Variants in LINGO2 observed in about 807,000 individuals in gnomAD.
LINGO2 encodes the protein leucine rich repeat and Ig domain containing 2.
In LINGO2, 14 loss-of-function variants were observed where a neutral mutation model predicts 30.6. The ratio of observed to expected loss-of-function variants is 0.46; its 90% CI spans 0.30 to 0.72. The LOEUF is 0.72. Among genes scored for constraint, LINGO2 ranks in the 30% least tolerant of loss-of-function variants. The probability of loss-of-function intolerance (pLI) is 0.07; values close to 1 mark genes in which losing one functional copy is unlikely to be tolerated. For synonymous variants in LINGO2, 317 were observed against 288.5 expected (o/e 1.10, Z -1.00); for missense variants, 729 against 751.7 (o/e 0.97, Z 0.35).
the LINGO2 span, among the ~76,000 whole-genome samples, chr9:28,855,460 T>C: frequency 6.6e-6 from 1 of 152,026 alleles, no homozygotes; most frequent in African/African-American, 2.4e-5. Context: ...CTTTATAAAA[T>C]GCAGACACCC....
the LINGO2 span, among the ~76,000 whole-genome samples, chr9:28,792,059 ATATG>A: frequency 3.4e-4 from 51 of 151,372 alleles, no homozygotes; most frequent in African/African-American, 1.2e-3. Flanking sequence ...GTATATATAT[ATATG>A]TATGTATGTA....
At chr9:28,411,157 ATT>A (rs5897297) in intron 2 of LINGO2, among the ~76,000 whole-genome samples, 1 of 151,532 alleles carries the variant, frequency 6.6e-6, no homozygotes, top group East Asian at 1.9e-4. Flanking sequence ...AAATGTATGG[ATT>A]TTTTTTTAAC....
chr9:28,956,029 T>C, the LINGO2 span, among the ~76,000 whole-genome samples: 248 of 151,958 alleles, frequency 1.6e-3, 1 homozygote, highest in Admixed American at 6.1e-3. Flanking sequence ...CTATATTCAC[T>C]GTAAGTAAAT....
At chr9:28,947,735 T>G in the LINGO2 span, among the ~76,000 whole-genome samples, 1 of 151,430 alleles carries the variant, frequency 6.6e-6, no homozygotes, top group Non-Finnish European at 1.5e-5. Context: ...ATGCATATTA[T>G]ATATACATTT....
At chr9:28,367,897 CCCT>C (rs1408632489) in intron 3 of LINGO2, among the ~76,000 whole-genome samples, 3 of 151,840 alleles carry the variant, frequency 2.0e-5, no homozygotes, top group African/African-American at 7.3e-5. Flanking sequence ...GAACTTTTTC[CCCT>C]ATTTTTAATC....
chr9:29,156,807 T>C, the LINGO2 span, among the ~76,000 whole-genome samples: 225 of 152,050 alleles, frequency 1.5e-3, no homozygotes, highest in Non-Finnish European at 2.8e-3. Context: ...TCCCAAATTA[T>C]TACCTGAGAA....
the LINGO2 span, among the ~76,000 whole-genome samples, chr9:28,721,529 A>C: frequency 6.6e-6 from 1 of 152,144 alleles, no homozygotes; most frequent in Non-Finnish European, 1.5e-5. Context: ...TGAAGCTGGA[A>C]ACCATCATTC....
chr9:28,238,824 A>AATAAT (rs58819076), intron 4 of LINGO2, among the ~76,000 whole-genome samples: 123,400 of 151,266 alleles, frequency 0.82, 50,604 homozygotes, highest in African/African-American at 0.89. Flanking sequence ...AATGAAAATA[A>AATAAT]ATAACAGATA....
At chr9:28,107,445 G>T (rs1407363021) in intron 4 of LINGO2, among the ~76,000 whole-genome samples, 1 of 151,980 alleles carries the variant, frequency 6.6e-6, no homozygotes, top group South Asian at 2.1e-4. Context: ...TCAATTATTG[G>T]TTAATCTATA....
intron 1 of LINGO2, among the ~76,000 whole-genome samples, chr9:28,524,324 T>A: frequency 6.6e-6 from 1 of 152,076 alleles, no homozygotes; most frequent in Non-Finnish European, 1.5e-5. Context: ...AAGAAGAAGG[T>A]ATAGGAGAAT....
At chr9:27,945,905 T>A (rs1022574595), downstream of LINGO2, among the ~76,000 whole-genome samples, 17 of 152,248 alleles carry the variant, frequency 1.1e-4, no homozygotes, top group African/African-American at 3.9e-4. Context: ...AAGTAGCCAA[T>A]TCCCCTGAAA....
At chr9:29,067,139 T>C in the LINGO2 span, among the ~76,000 whole-genome samples, 3 of 151,828 alleles carry the variant, frequency 2.0e-5, no homozygotes, top group Admixed American at 6.6e-5. Flanking sequence ...TCAAGTATTA[T>C]AAATGAGGGA....
intron 1 of LINGO2, among the ~76,000 whole-genome samples, chr9:28,501,994 GAA>G (rs1472688732): frequency 6.6e-6 from 1 of 151,688 alleles, no homozygotes; most frequent in Non-Finnish European, 1.5e-5. Flanking sequence ...AGGAAGAAGA[GAA>G]AGAGAAAAAG....
chr9:28,264,503 A>G (rs576951067), intron 4 of LINGO2, among the ~76,000 whole-genome samples: 7 of 152,122 alleles, frequency 4.6e-5, no homozygotes, highest in South Asian at 4.1e-4. Context: ...TCAAGGCTTG[A>G]GTCATTTCTG....
At chr9:29,077,679 G>A in the LINGO2 span, among the ~76,000 whole-genome samples, 17 of 152,116 alleles carry the variant, frequency 1.1e-4, no homozygotes, top group Admixed American at 4.6e-4. Context: ...TAAATTTGTT[G>A]TAAAGACCAT....
intron 5 of LINGO2, among the ~76,000 whole-genome samples, chr9:28,004,200 T>C (rs923463343): frequency 6.6e-6 from 1 of 152,168 alleles, no homozygotes; most frequent in African/African-American, 2.4e-5. Context: ...TAATCCTATA[T>C]AATAACAATT....
intron 2 of LINGO2, among the ~76,000 whole-genome samples, chr9:28,422,324 C>A (rs982260151): frequency 6.6e-6 from 1 of 151,844 alleles, no homozygotes; most frequent in African/African-American, 2.4e-5. Flanking sequence ...ACAGCAACAA[C>A]AAAACAACCT....
At chr9:28,936,827 T>C in the LINGO2 span, among the ~76,000 whole-genome samples, 1 of 152,188 alleles carries the variant, frequency 6.6e-6, no homozygotes, top group Non-Finnish European at 1.5e-5. Flanking sequence ...ACAGACTGGA[T>C]GGCTTAAGCA....
intron 3 of LINGO2, among the ~76,000 whole-genome samples, chr9:28,360,949 G>A (rs1196029433): frequency 6.6e-6 from 1 of 152,118 alleles, no homozygotes; most frequent in Non-Finnish European, 1.5e-5. Context: ...CTTATTTGTG[G>A]TTTAGCTTTC....
Sources: allele counts gnomAD v4.1 joint callset (sites outside exome capture counted in the v4.1 genomes callset), GRCh38; gene constraint gnomAD v4.1.1; transcripts MANE v1.5; gene names NCBI Gene and HGNC (gene_info 2026-07-23, HGNC 2026-07-21).